Variants in EXOC6 observed in about 807,000 individuals in gnomAD.
The protein encoded by EXOC6 is exocyst complex component 6.
A neutral mutation model predicts 112.5 loss-of-function variants in EXOC6; 60 were observed. That is an observed-to-expected ratio of 0.53 (90% CI 0.43 to 0.66). The LOEUF is 0.66. EXOC6 is among the 30% of genes least tolerant of loss of function. The pLI is 0.00. For synonymous variants in EXOC6, 295 were observed against 308.0 expected, an observed-to-expected ratio of 0.96 and a Z score of 0.44; for missense variants, 855 against 957.1, an observed-to-expected ratio of 0.89 and a Z score of 1.41.
In EXOC6 at chr10:92,920,827, T is replaced by TA. The variant is rs948830845; in HGVS notation, c.888+784dup. Among the ~76,000 whole-genome samples, 5 of 152,206 alleles carry TA rather than the reference T, an allele frequency of 3.3e-5. No homozygotes were observed. In the East Asian group the frequency reaches 7.7e-4, roughly 23 times the overall value. On this transcript the variant is annotated intron_variant, in intron 8 of 21. Coordinates refer to ENST00000260762, the MANE Select transcript of EXOC6 (RefSeq NM_019053.6). ...GTCTTCCTGATGGATTGACCTTTTT[T>TA]AAAAAAATCATAAAATATCTTTCTT...
chr10:92,880,472 T>A (rs1418020762), intron 1 of EXOC6, among the ~76,000 whole-genome samples: 3 of 152,164 alleles, frequency 2.0e-5, no homozygotes, highest in Non-Finnish European at 4.4e-5. Context: ...GGGTGCCCTC[T>A]AGTGAGCCTG....
At position 92,881,820 on chromosome 10, in the gene EXOC6, C is replaced by A. The variant is rs141171598; in HGVS notation, c.102-11529C>A. Among the ~76,000 whole-genome samples, 843 of 152,218 alleles carry A rather than the reference C, an allele frequency of 5.5e-3. 6 individuals are homozygous for A. The highest frequency in any genetic ancestry group is 0.017 in the African/African-American group (697 of 41,534). ...TCCTGTTCTCCTGATAGTAAGTTCT[C>A]ACGAGATCTGATGGTTTTATAAGGG... On this transcript the variant is annotated intron_variant, in intron 1 of 21. Coordinates refer to ENST00000260762, the MANE Select transcript of EXOC6 (RefSeq NM_019053.6).
At chr10:93,016,794 T>C (rs1465572363) in intron 20 of EXOC6, among the ~76,000 whole-genome samples, 1 of 151,994 alleles carries the variant, frequency 6.6e-6, no homozygotes, top group Non-Finnish European at 1.5e-5. Context: ...TGTCAATTGG[T>C]GTCTTTTACC....
intron 18 of EXOC6, among the ~76,000 whole-genome samples, chr10:92,990,432 T>TA (rs1843182641): frequency 2.0e-5 from 3 of 152,248 alleles, no homozygotes; most frequent in Middle Eastern, 6.8e-3. Context: ...TAGTTGGAAG[T>TA]AGTAGTAATG....
chr10:93,026,700 C>T (rs577352557), intron 20 of EXOC6, among the ~76,000 whole-genome samples: 2 of 152,032 alleles, frequency 1.3e-5, no homozygotes, highest in African/African-American at 2.4e-5. Context: ...TTGATGTTAC[C>T]ATTGTAATTG....
intron 1 of EXOC6, among the ~76,000 whole-genome samples, chr10:92,852,672 T>C (rs757839541): frequency 6.6e-6 from 1 of 152,112 alleles, no homozygotes; most frequent in Non-Finnish European, 1.5e-5. Context: ...CAAAGAAAAG[T>C]TGTATGATCA....
At chr10:92,881,633 G>C (rs980200057) in intron 1 of EXOC6, among the ~76,000 whole-genome samples, 10 of 152,166 alleles carry the variant, frequency 6.6e-5, no homozygotes, top group Non-Finnish European at 8.8e-5. Context: ...TATTTCCTTG[G>C]AGCTGTTGTG....
chr10:93,027,420 G>T (rs1845077730), intron 20 of EXOC6, among the ~76,000 whole-genome samples: 1 of 152,226 alleles, frequency 6.6e-6, no homozygotes, highest in Non-Finnish European at 1.5e-5. Context: ...GAGATTTTCA[G>T]TGTAGATCAA....
chr10:92,974,440 CTCTT>C (rs1371442308), intron 18 of EXOC6, among the ~76,000 whole-genome samples: 14 of 149,764 alleles, frequency 9.3e-5, no homozygotes, highest in Middle Eastern at 3.4e-3. Flanking sequence ...AACTGTAACT[CTCTT>C]TCCACCAAAG....
intron 1 of EXOC6, among the ~76,000 whole-genome samples, chr10:92,892,483 C>G (rs1407698649): frequency 1.3e-5 from 2 of 152,214 alleles, no homozygotes; most frequent in Admixed American, 6.5e-5. Context: ...GTAGACTTGG[C>G]TGACTGCCCA....
chr10:92,870,469 T>A (rs909745344), intron 1 of EXOC6, among the ~76,000 whole-genome samples: 2 of 152,200 alleles, frequency 1.3e-5, no homozygotes, highest in Non-Finnish European at 2.9e-5. Flanking sequence ...CTTCTTAGAA[T>A]AAACCCCATT....
intron 5 of EXOC6, 82 bp downstream of exon 5, chr10:92,899,726 A>C: frequency 9.6e-7 from 1 of 1,043,448 alleles, no homozygotes; most frequent in Non-Finnish European, 1.4e-6. Context: ...TATAAATCAT[A>C]GTGAATCATG....
intron 20 of EXOC6, 141 bp from the exon 21 acceptor site, chr10:93,056,783 G>T: frequency 1.7e-6 from 1 of 597,776 alleles, no homozygotes; most frequent in Non-Finnish European, 3.0e-6. Context: ...TACAGTTAAT[G>T]AAGTTTTAAA....
At chr10:92,942,851 T>C (rs554334968) in intron 13 of EXOC6, among the ~76,000 whole-genome samples, 1 of 152,248 alleles carries the variant, frequency 6.6e-6, no homozygotes, top group East Asian at 1.9e-4. Context: ...CCATGAGGTA[T>C]TGTTTTCTGT....
At chr10:93,035,606 A>G (rs1278670966) in intron 20 of EXOC6, among the ~76,000 whole-genome samples, 5 of 151,972 alleles carry the variant, frequency 3.3e-5, no homozygotes, top group Non-Finnish European at 7.4e-5. Flanking sequence ...TGTAATCCCA[A>G]CACTTAGGGA....
At chr10:92,955,436 TTAA>T in intron 16 of EXOC6, 141 bp from the exon 17 acceptor site, 1 of 600,416 alleles carries the variant, frequency 1.7e-6, no homozygotes. Flanking sequence ...CAACAGGCTT[TTAA>T]AATCAGATAG....
In EXOC6 at chr10:93,033,878, A is replaced by G. The variant is rs7092654; in HGVS notation, c.2169+19611A>G. Among the ~76,000 whole-genome samples the G allele has an allele frequency of 8.7e-3, 1,330 of 152,354 alleles. 26 individuals are homozygous for G. Among genetic ancestry groups the G allele is most frequent in the African/African-American group, 0.03 (1,238 of 41,578 alleles). ...TGAGATAAAGTTGAAGACAAAGACTATTGGATTCTGAAAGACAGCTAAAGG... is the reference window on the plus strand; with the variant it reads ...TGAGATAAAGTTGAAGACAAAGACTGTTGGATTCTGAAAGACAGCTAAAGG... On this transcript the variant is annotated intron_variant, in intron 20 of 21. Coordinates refer to ENST00000260762, the MANE Select transcript of EXOC6 (RefSeq NM_019053.6).
intron 5 of EXOC6, among the ~76,000 whole-genome samples, chr10:92,902,291 T>G (rs1206131308): frequency 6.6e-6 from 1 of 152,066 alleles, no homozygotes; most frequent in South Asian, 2.1e-4. Flanking sequence ...CATTAGGAAG[T>G]TTTTTTGAAT....
At chr10:92,842,079 G>C (rs1215648039) in intron 1 of EXOC6, among the ~76,000 whole-genome samples, 1 of 124,254 alleles carries the variant, frequency 8.0e-6, no homozygotes, top group Non-Finnish European at 1.8e-5. Context: ...ATAAAAACCA[G>C]GCCGGGTGCA....
Sources: allele counts gnomAD v4.1 joint callset (sites outside exome capture counted in the v4.1 genomes callset), GRCh38; gene constraint gnomAD v4.1.1; transcripts MANE v1.5; gene names NCBI Gene and HGNC (gene_info 2026-07-23, HGNC 2026-07-21).